WWTR1: variants seen among roughly 807,000 people sequenced by gnomAD.
WWTR1 encodes the protein WW domain containing transcription regulator 1, also known as WW domain-containing transcription regulator protein 1.
Under a neutral mutation model 40.1 loss-of-function variants are expected in WWTR1, and 13 were observed. That is an observed-to-expected ratio of 0.32 (90% CI 0.21 to 0.52). The LOEUF (loss-of-function observed/expected upper bound fraction) is 0.52, where lower values mean the gene tolerates loss of function less well. Among genes scored for constraint, WWTR1 ranks in the 20% least tolerant of loss-of-function variants. The probability of loss-of-function intolerance (pLI) is 0.97; values close to 1 mark genes in which losing one functional copy is unlikely to be tolerated. For missense variants in WWTR1, 436 were observed against 523.1 expected (o/e 0.83, Z 1.63); for synonymous variants, 230 against 210.1 (o/e 1.09, Z -0.82).
chr3:149,646,143 G>A (rs1362911186), intron 2 of WWTR1, among the ~76,000 whole-genome samples: 3 of 152,190 alleles, frequency 2.0e-5, no homozygotes, highest in African/African-American at 7.2e-5. Context: ...TAGAAGGATG[G>A]ATGGAAAAAT....
chr3:149,644,410 T>A (rs1712365943), intron 2 of WWTR1, among the ~76,000 whole-genome samples: 1 of 152,226 alleles, frequency 6.6e-6, no homozygotes, highest in South Asian at 2.1e-4. Context: ...AAAATTTCTA[T>A]CCCTGTTTCT....
At chr3:149,718,340 C>T (rs1715663043) in intron 4 of WWTR1, among the ~76,000 whole-genome samples, 1 of 151,832 alleles carries the variant, frequency 6.6e-6, no homozygotes, top group South Asian at 2.1e-4. Flanking sequence ...GAGATCGTTA[C>T]CAACCACTCA....
intron 3 of WWTR1, among the ~76,000 whole-genome samples, chr3:149,569,569 C>A (rs1210022007): frequency 1.3e-5 from 2 of 152,172 alleles, no homozygotes; most frequent in East Asian, 3.8e-4. Flanking sequence ...GGACCAAATA[C>A]AAGATTTGTT....
intron 2 of WWTR1, among the ~76,000 whole-genome samples, chr3:149,631,011 C>A (rs1219353140): frequency 6.6e-6 from 1 of 152,158 alleles, no homozygotes; most frequent in Non-Finnish European, 1.5e-5. Flanking sequence ...ATCTCCCACA[C>A]AAAATGTGGT....
At chr3:149,589,552 C>T (rs1738598630) in intron 2 of WWTR1, among the ~76,000 whole-genome samples, 1 of 152,054 alleles carries the variant, frequency 6.6e-6, no homozygotes, top group African/African-American at 2.4e-5. Flanking sequence ...AGAGGAACCC[C>T]GTGCAATGAG....
rs968972798 is a variant in WWTR1 at position 149,579,852 on chromosome 3, C to G, written c.432-6852G>C. ...TTTGCTAAATGAAACAGCTTTGCAA[C>G]TTGCTTCTTGTGACTCAGTCCAATT... On this transcript the variant is annotated intron_variant, in intron 2 of 6. Transcript: ENST00000360632. Among the ~76,000 whole-genome samples, 7 of 152,296 alleles carry G rather than the reference C, an allele frequency of 4.6e-5. No homozygotes were observed. In the East Asian group the frequency reaches 5.8e-4, roughly 13 times the overall value.
rs1485204245 is a variant in WWTR1 at position 149,537,782 on chromosome 3, C to T, written c.771+4553G>A. Reference sequence around the variant, plus strand: ...TGGCAAGTGCTCATCTCTTCTCTGTCCCCATAGTTTTGCTTTTCCAGAACG... The same window carrying T: ...TGGCAAGTGCTCATCTCTTCTCTGTTCCCATAGTTTTGCTTTTCCAGAACG... On this transcript the variant is annotated intron_variant, in intron 4 of 6. Coordinates refer to ENST00000360632, the MANE Select transcript of WWTR1 (RefSeq NM_015472.6). 2.0e-5 allele frequency among the ~76,000 whole-genome samples: 3 copies of T among 152,228 alleles called. No homozygotes were observed. In the South Asian group the frequency reaches 6.2e-4, roughly 32 times the overall value.
chr3:149,550,692 GCT>G (rs1336591025), intron 3 of WWTR1, among the ~76,000 whole-genome samples: 2,495 of 113,598 alleles, frequency 0.022, 254 homozygotes, highest in African/African-American at 0.033. Context: ...ATGAGGGACT[GCT>G]GTTCAAGATA....
At chr3:149,582,667 C>A (rs1738208697) in intron 2 of WWTR1, among the ~76,000 whole-genome samples, 2 of 151,984 alleles carry the variant, frequency 1.3e-5, no homozygotes, top group Admixed American at 1.3e-4. Context: ...GAGGTCGAGG[C>A]TGCAGTGAGC....
At chr3:149,661,564 G>A (rs1341724660), upstream of WWTR1, among the ~76,000 whole-genome samples, 3 of 151,850 alleles carry the variant, frequency 2.0e-5, no homozygotes, top group Non-Finnish European at 2.9e-5. Flanking sequence ...TGGGACTACA[G>A]ACGTGCACCA....
Position 149,593,306 on chromosome 3 carries a change from C to CA in WWTR1, c.432-20307dup, listed in dbSNP as rs1423741232. Among the ~76,000 whole-genome samples the CA allele has an allele frequency of 1.3e-5, 2 of 152,164 alleles. 1 individual carries two copies. The highest frequency in any genetic ancestry group is 4.8e-5 in the African/African-American group (2 of 41,440). On this transcript the variant is annotated intron_variant, in intron 2 of 6. Transcript: ENST00000360632. ...GGCTTTTGTCTCCACAATGTTAATG[C>CA]ACCGTACACTACTCATGAAGCCCTC...
intron 1 of WWTR1, among the ~76,000 whole-genome samples, chr3:149,698,204 TC>T (rs1715051788): frequency 6.6e-6 from 1 of 152,148 alleles, no homozygotes; most frequent in Non-Finnish European, 1.5e-5. Context: ...ATTGTAATAA[TC>T]CCCATGTGTC....
chr3:149,665,268 C>A (rs1460337243), intron 2 of WWTR1, among the ~76,000 whole-genome samples: 1 of 145,316 alleles, frequency 6.9e-6, no homozygotes, highest in East Asian at 2.1e-4. Context: ...GCTCTGTCAC[C>A]AGGCTGGAGT....
At chr3:149,617,516 C>G (rs1182938326) in intron 2 of WWTR1, among the ~76,000 whole-genome samples, 1 of 152,200 alleles carries the variant, frequency 6.6e-6, no homozygotes, top group Non-Finnish European at 1.5e-5. Context: ...TTCCATAAAT[C>G]AGGCCAGGCG....
At chr3:149,566,923 TA>T (rs1737353306) in intron 3 of WWTR1, among the ~76,000 whole-genome samples, 1 of 152,160 alleles carries the variant, frequency 6.6e-6, no homozygotes, top group Admixed American at 6.5e-5. Flanking sequence ...AAGGGGTAAG[TA>T]AGTGCGTGTG....
intron 5 of WWTR1, among the ~76,000 whole-genome samples, chr3:149,710,572 C>A (rs1443519915): frequency 1.6e-5 from 1 of 63,330 alleles, no homozygotes; most frequent in Admixed American, 1.6e-4. Flanking sequence ...TCCCCGCCTC[C>A]CCCCCCCCCC....
rs529451296 is a variant in WWTR1 at position 149,524,428 on chromosome 3, A to C, written c.1018+1585T>G. ...CCTTACTGGCTTCCCAGTGTTTAGA[A>C]GATGAAAGTAAAGAATTATTAAACA... On this transcript the variant is annotated intron_variant, in intron 6 of 6. Transcript: ENST00000360632. Among the ~76,000 whole-genome samples, 121 of 151,016 alleles carry C rather than the reference A, an allele frequency of 8.0e-4. 1 individual carries two copies. Among genetic ancestry groups the C allele is most frequent in the African/African-American group, 2.8e-3 (117 of 41,214 alleles).
chr3:149,622,545 A>G (rs529721056), intron 2 of WWTR1, among the ~76,000 whole-genome samples: 3 of 96,046 alleles, frequency 3.1e-5, no homozygotes, highest in East Asian at 6.9e-4. Flanking sequence ...AAGAAAGAAA[A>G]AGAAAGCAAG....
rs1006087632 is a variant in WWTR1 at position 149,517,528 on chromosome 3, G to T, written c.*3277C>A. ...TTAACAGCTTATTTTTTTCATAAAA[G>T]TTGTACTTTGAGAAGTTACTTTCTA... On this transcript the variant is annotated 3_prime_UTR_variant, in exon 7 of 7. Transcript: ENST00000360632. 1 of 151,986 alleles carries T rather than the reference G, an allele frequency of 6.6e-6. No homozygotes were observed. The highest frequency in any genetic ancestry group is 1.5e-5 in the Non-Finnish European group (1 of 68,014). 9.4% of individuals were successfully genotyped at this position (151,986 alleles called of 1,614,324 possible). A position where few individuals can be genotyped will look rare whatever the true frequency, so the allele number is the denominator to read the frequency against.
Sources: gnomAD v4.1 joint callset for allele counts (sites outside exome capture counted in the v4.1 genomes callset) on GRCh38, gnomAD v4.1.1 for gene constraint, MANE v1.5 for transcripts, NCBI Gene and HGNC (gene_info 2026-07-23, HGNC 2026-07-21) for gene names.